The following UBN2 variants were observed in gnomAD, a reference collection of about 807,000 sequenced individuals.
The protein encoded by UBN2 is ubinuclein 2.
Under a neutral mutation model 120.2 loss-of-function variants are expected in UBN2, and 35 were observed. The ratio of observed to expected loss-of-function variants is 0.29; its 90% CI spans 0.22 to 0.39. UBN2 has a LOEUF of 0.39. Ranked by LOEUF, UBN2 falls within the 10% of genes least tolerant of loss-of-function variation. The pLI is 1.00. For missense variants in UBN2, 1,693 were observed against 1,663.2 expected (o/e 1.02, Z -0.31); for synonymous variants, 661 against 648.7 (o/e 1.02, Z -0.29).
intron 12 of UBN2, 47 bp downstream of exon 12, chr7:139,276,194 G>A: frequency 6.4e-7 from 1 of 1,554,218 alleles, no homozygotes; most frequent in Non-Finnish European, 8.9e-7. Flanking sequence ...CACATTATGT[G>A]CTTTAGTGAA....
chr7:139,251,706 G>A (rs575773483), intron 2 of UBN2, among the ~76,000 whole-genome samples: 4 of 152,174 alleles, frequency 2.6e-5, no homozygotes, highest in Non-Finnish European at 4.4e-5. Context: ...CCCTGTTGAC[G>A]TTGACTGTAG....
chr7:139,238,769 G>A (rs1238318611), intron 2 of UBN2, among the ~76,000 whole-genome samples: 4 of 152,078 alleles, frequency 2.6e-5, no homozygotes, highest in Admixed American at 1.3e-4. Flanking sequence ...AGATTTTTCC[G>A]AGACCCTATT....
chr7:139,238,166 C>A (rs1209085452), intron 2 of UBN2, among the ~76,000 whole-genome samples: 1 of 152,150 alleles, frequency 6.6e-6, no homozygotes, highest in Non-Finnish European at 1.5e-5. Flanking sequence ...CCTCTGATTC[C>A]TCTGTGAGCA....
chr7:139,250,501 T>C (rs1468067848), intron 2 of UBN2, among the ~76,000 whole-genome samples: 1 of 151,408 alleles, frequency 6.6e-6, no homozygotes, highest in African/African-American at 2.4e-5. Context: ...CCCAAAGTGC[T>C]GGGATTACTG....
At chr7:139,279,150 A>C (rs921731678) in intron 12 of UBN2, among the ~76,000 whole-genome samples, 168 bp from the exon 13 acceptor site, 6 of 152,210 alleles carry the variant, frequency 3.9e-5, no homozygotes, top group Admixed American at 2.6e-4. Flanking sequence ...GAATTGGGGA[A>C]AATGTTGCTA....
At chr7:139,262,829 A>G (rs1796980592) in intron 6 of UBN2, among the ~76,000 whole-genome samples, 1 of 152,100 alleles carries the variant, frequency 6.6e-6, no homozygotes, top group Admixed American at 6.5e-5. Flanking sequence ...AGTAGGTGGC[A>G]TAGGTTTTTT....
chr7:139,271,325 G>A (rs1009451699), intron 8 of UBN2, among the ~76,000 whole-genome samples: 4 of 152,046 alleles, frequency 2.6e-5, no homozygotes, highest in Admixed American at 6.6e-5. Flanking sequence ...AGTGGCTCAC[G>A]CCTGTAATCC....
chr7:139,320,116 A>G, the UBN2 span, among the ~76,000 whole-genome samples: 1 of 151,120 alleles, frequency 6.6e-6, no homozygotes, highest in Non-Finnish European at 1.5e-5. Flanking sequence ...CACTCAAAGT[A>G]GTCTCTATTG....
chr7:139,265,164 TG>T (rs1277341849), intron 6 of UBN2, among the ~76,000 whole-genome samples: 1 of 152,204 alleles, frequency 6.6e-6, no homozygotes, highest in Non-Finnish European at 1.5e-5. Context: ...TTGATTTTTT[TG>T]TTTTTTCATG....
rs1383193537 is a variant in UBN2 at position 139,307,579 on chromosome 7, A to T, written c.*9743A>T. ...TGTGTGTTTGTATAAGGCTCTTTTGAGATGAACTGGTGCTTGTTTAATTTC... is the reference window on the plus strand; with the variant it reads ...TGTGTGTTTGTATAAGGCTCTTTTGTGATGAACTGGTGCTTGTTTAATTTC... On this transcript the variant is annotated 3_prime_UTR_variant, in exon 18 of 18. Coordinates refer to ENST00000473989, the MANE Select transcript of UBN2 (RefSeq NM_173569.4). 2.0e-5 allele frequency: 3 copies of T among 151,992 alleles called. No individual in the cohort carries two copies. Among genetic ancestry groups the T allele is most frequent in the African/African-American group, 7.3e-5 (3 of 41,364 alleles). The allele number at this position is 151,992 out of a possible 1,614,324, so 9.4% of individuals were successfully genotyped here. A position where few individuals can be genotyped will look rare whatever the true frequency, so the allele number is the denominator to read the frequency against.
intron 8 of UBN2, among the ~76,000 whole-genome samples, chr7:139,271,385 G>A (rs566070475): frequency 3.9e-5 from 6 of 152,028 alleles, no homozygotes; most frequent in Admixed American, 6.5e-5. Flanking sequence ...CCAGGAGTTC[G>A]AGACCAGCCT....
At chr7:139,294,086 T>C (rs941983400) in intron 17 of UBN2, 105 bp downstream of exon 17, 3 of 1,209,606 alleles carry the variant, frequency 2.5e-6, no homozygotes, top group African/African-American at 1.5e-5. Flanking sequence ...GGTTGGAAAA[T>C]GCAAATTTTC....
Position 139,261,711 on chromosome 7 carries a change from T to C in UBN2, c.1365T>C (p.Leu455=). Residue 455 remains leucine, a synonymous_variant, in exon 6 of 18, where the codon CTT becomes CTC. Coordinates refer to ENST00000473989, the MANE Select transcript of UBN2 (RefSeq NM_173569.4). ...CACTCCCAGAGGGTCTACCTGTACT[T>C]CTTGAAAAACGTATCGAAGACCTTC... The part of the protein sequence containing the change: ...VPTLPEGLPV[L]LEKRIEDLRV... The C allele has an allele frequency of 6.2e-7, 1 of 1,612,556 alleles. No individual in the cohort carries two copies. Among genetic ancestry groups the C allele is most frequent in the African/African-American group, 1.3e-5 (1 of 75,004 alleles).
In UBN2 at chr7:139,297,859, G is replaced by T; in HGVS notation, c.*23G>T. 1 of 1,613,600 alleles carries T rather than the reference G, an allele frequency of 6.2e-7. No individual in the cohort carries two copies. Among genetic ancestry groups the T allele is most frequent in the Non-Finnish European group, 8.5e-7 (1 of 1,179,580 alleles). ...TGACTGCCCAGCAAGCAAAGGAGACGAAATGTTTAGTTGACTGATGGAATC... is the reference window on the plus strand; with the variant it reads ...TGACTGCCCAGCAAGCAAAGGAGACTAAATGTTTAGTTGACTGATGGAATC... On this transcript the variant is annotated 3_prime_UTR_variant, in exon 18 of 18. Coordinates refer to ENST00000473989, the MANE Select transcript of UBN2 (RefSeq NM_173569.4).
At chr7:139,276,015 T>A in intron 11 of UBN2, 82 bp from the exon 12 acceptor site, 1 of 1,136,822 alleles carries the variant, frequency 8.8e-7, no homozygotes, top group Non-Finnish European at 1.3e-6. Flanking sequence ...CTACTGAAAA[T>A]TAAATTACTT....
chr7:139,273,459 T>G (rs563619880), intron 10 of UBN2, 49 bp downstream of exon 10: 1 of 1,248,416 alleles, frequency 8.0e-7, no homozygotes, highest in African/African-American at 1.5e-5. Context: ...AGAAGTAAGA[T>G]TCCTCATTAA....
the UBN2 span, among the ~76,000 whole-genome samples, chr7:139,317,335 C>A: frequency 9.2e-5 from 14 of 151,924 alleles, no homozygotes; most frequent in African/African-American, 3.1e-4. Flanking sequence ...CCACGCCCAG[C>A]TAGTTTTTAA....
In UBN2 at chr7:139,258,494, G is replaced by T; in HGVS notation, c.670G>T (p.Glu224Ter). 1 of 1,586,648 alleles carries T rather than the reference G, an allele frequency of 6.3e-7. No individual in the cohort carries two copies. Among genetic ancestry groups the T allele is most frequent in the Non-Finnish European group, 8.6e-7 (1 of 1,165,398 alleles). The change falls in exon 4 of 18, where the codon GAA becomes TAA. Residue 224 changes from glutamate to a stop codon, truncating the protein, a stop_gained. Coordinates refer to ENST00000473989, the MANE Select transcript of UBN2 (RefSeq NM_173569.4). LOFTEE classifies it high-confidence loss of function. Reference protein sequence around the residue: ...PFIDNSEAYDELVPASLTTKY... With the variant: ...PFIDNSEAYD The stretch of plus-strand genomic sequence containing the variant: ...TTTTTGTTTTTTAATCTAGTATGAT[G>T]AATTAGTTCCCGCTTCTCTAACAAC...
At chr7:139,310,739 C>T (rs557720159), downstream of UBN2, among the ~76,000 whole-genome samples, 8 of 152,200 alleles carry the variant, frequency 5.3e-5, no homozygotes, top group Non-Finnish European at 8.8e-5. Flanking sequence ...TGCTACTGCA[C>T]TCCAGCCTGG....
Sources: gnomAD v4.1 joint callset for allele counts (sites outside exome capture counted in the v4.1 genomes callset) on GRCh38, gnomAD v4.1.1 for gene constraint, MANE v1.5 for transcripts, NCBI Gene and HGNC (gene_info 2026-07-23, HGNC 2026-07-21) for gene names.